The following PKP1 variants were observed in gnomAD, a reference collection of about 807,000 sequenced individuals.
PKP1 encodes plakophilin-1.
Under a neutral mutation model 76.4 loss-of-function variants are expected in PKP1, and 27 were observed. The observed-to-expected ratio is 0.35, with a 90% CI of 0.26 to 0.49. The LOEUF (loss-of-function observed/expected upper bound fraction) is 0.49, where lower values mean the gene tolerates loss of function less well. Ranked by LOEUF, PKP1 falls within the 20% of genes least tolerant of loss-of-function variation. The pLI, the probability that PKP1 is intolerant of heterozygous loss-of-function variation, is 0.99. For missense variants in PKP1, 964 were observed against 955.2 expected, an observed-to-expected ratio of 1.01 and a Z score of -0.12; for synonymous variants, 404 against 384.2, an observed-to-expected ratio of 1.05 and a Z score of -0.60.
intron 12 of PKP1, 180 bp from the exon 13 acceptor site, chr1:201,328,582 G>A: frequency 1.5e-6 from 1 of 671,110 alleles, no homozygotes; most frequent in East Asian, 2.7e-5. Flanking sequence ...GACTCATGGA[G>A]AGTTATTATG....
chr1:201,284,083 G>C (rs924662908), intron 1 of PKP1, among the ~76,000 whole-genome samples, 179 bp downstream of exon 1: 1 of 147,884 alleles, frequency 6.8e-6, no homozygotes, highest in Admixed American at 6.6e-5. Context: ...CTGAGCTGGT[G>C]TAAACGCGAC....
At chr1:201,321,728 A>G (rs1041249434) in intron 7 of PKP1, among the ~76,000 whole-genome samples, 7 of 152,292 alleles carry the variant, frequency 4.6e-5, no homozygotes, top group African/African-American at 1.7e-4. Context: ...CTCATTTTAC[A>G]TTTGAGATAG....
At chr1:201,325,618 C>T in intron 11 of PKP1, 136 bp from the exon 12 acceptor site, 1 of 728,698 alleles carries the variant, frequency 1.4e-6, no homozygotes, top group Non-Finnish European at 2.5e-6. Flanking sequence ...TGGGGCTCCT[C>T]TCTTTTGCAC....
intron 8 of PKP1, 42 bp downstream of exon 8, chr1:201,322,175 A>C (rs1553275744): frequency 2.2e-5 from 35 of 1,594,174 alleles, no homozygotes; most frequent in East Asian, 4.5e-5. Context: ...CCCATCAAGC[A>C]CCCCCCCAGG....
intron 1 of PKP1, among the ~76,000 whole-genome samples, chr1:201,290,343 G>A (rs970101996): frequency 6.6e-5 from 10 of 152,022 alleles, no homozygotes; most frequent in African/African-American, 2.2e-4. Flanking sequence ...CACACAGGTT[G>A]GGCACACTGT....
At chr1:201,294,720 A>G (rs958656961) in intron 2 of PKP1, among the ~76,000 whole-genome samples, 1 of 152,266 alleles carries the variant, frequency 6.6e-6, no homozygotes, top group African/African-American at 2.4e-5. Flanking sequence ...TTAAATTAAC[A>G]TGGATAGAGG....
In PKP1 at chr1:201,322,594, T is replaced by C. The variant is rs575460027; in HGVS notation, c.1504-419T>C. On this transcript the variant is annotated intron_variant, in intron 8 of 13. Coordinates refer to ENST00000367324, the MANE Select transcript of PKP1 (RefSeq NM_001005337.3). ...AGGTCTCCTTCACTGGGCCCAGCTG[T>C]GGAATCCAGGTCTCAGACCACCCTC... 5.3e-5 allele frequency among the ~76,000 whole-genome samples: 8 copies of C among 152,174 alleles called. No individual in the cohort carries two copies. In the South Asian group the frequency reaches 1.7e-3, roughly 32 times the overall value.
At chr1:201,325,302 G>T (rs1657081908) in intron 11 of PKP1, among the ~76,000 whole-genome samples, 175 bp downstream of exon 11, 1 of 152,204 alleles carries the variant, frequency 6.6e-6, no homozygotes, top group African/African-American at 2.4e-5. Flanking sequence ...AGAGTGCGTG[G>T]AGAGAAGGGT....
intron 1 of PKP1, 62 bp from the exon 2 acceptor site, chr1:201,293,880 A>G: frequency 9.2e-7 from 1 of 1,087,394 alleles, no homozygotes. Context: ...TGATGCCCTG[A>G]GGAACAGGGG....
At chr1:201,319,879 G>A (rs1418023125) in intron 6 of PKP1, 3 of 1,613,970 alleles carry the variant, frequency 1.9e-6, no homozygotes, top group Admixed American at 1.7e-5. Context: ...GTAGCAGGGT[G>A]TGAGCCTTGG....
intron 3 of PKP1, among the ~76,000 whole-genome samples, chr1:201,315,325 T>G (rs1195953172): frequency 1.3e-5 from 2 of 152,238 alleles, no homozygotes; most frequent in Non-Finnish European, 1.5e-5. Flanking sequence ...ACTCTGCACC[T>G]CGGGTGGTTT....
intron 2 of PKP1, among the ~76,000 whole-genome samples, chr1:201,303,161 A>G (rs1303315579): frequency 6.6e-6 from 1 of 152,254 alleles, no homozygotes; most frequent in African/African-American, 2.4e-5. Context: ...ATTACTTATC[A>G]GTTCCACTGC....
intron 2 of PKP1, among the ~76,000 whole-genome samples, chr1:201,305,282 C>G (rs1432709742): frequency 6.6e-6 from 1 of 152,228 alleles, no homozygotes; most frequent in Non-Finnish European, 1.5e-5. Context: ...CTCTGGGAGG[C>G]TGAGGCAAGA....
At chr1:201,309,835 T>C (rs910243584) in intron 2 of PKP1, among the ~76,000 whole-genome samples, 3 of 152,214 alleles carry the variant, frequency 2.0e-5, no homozygotes, top group African/African-American at 4.8e-5. Flanking sequence ...CTAAACATCC[T>C]GCCATGCTTG....
intron 2 of PKP1, among the ~76,000 whole-genome samples, chr1:201,307,125 TG>T (rs138414763): frequency 0.039 from 5,919 of 152,226 alleles, 358 homozygotes; most frequent in African/African-American, 0.13. Flanking sequence ...CTCACCTGGG[TG>T]GGCACTGCTG....
At chr1:201,325,868 A>G in intron 12 of PKP1, 30 bp downstream of exon 12, 1 of 1,544,248 alleles carries the variant, frequency 6.5e-7, no homozygotes, top group Non-Finnish European at 9.0e-7. Flanking sequence ...TCCTCTTCTG[A>G]GGTTCTTCCT....
chr1:201,294,416 C>G (rs993481880), intron 2 of PKP1, among the ~76,000 whole-genome samples: 1 of 152,180 alleles, frequency 6.6e-6, no homozygotes, highest in African/African-American at 2.4e-5. Flanking sequence ...AAAGGGTCAT[C>G]TCTGTTCGTT....
intron 12 of PKP1, 138 bp from the exon 13 acceptor site, chr1:201,328,624 G>T (rs549031441): frequency 3.9e-6 from 3 of 766,932 alleles, no homozygotes; most frequent in Admixed American, 1.9e-5. Flanking sequence ...GCCAGTTTTC[G>T]CCCTGACACA....
chr1:201,324,458 C>CT lies in PKP1; in HGVS notation c.1712dup (p.Lys572GlufsTer18). ...CAGTGGCATGAGCCAGTTGATTGGG[C>CT]TGAAGGAAAAGGGCCTGCCACAAAT... On this transcript the variant is annotated frameshift_variant, in exon 10 of 14. Transcript: ENST00000367324. LOFTEE classifies it high-confidence loss of function. The CT allele has an allele frequency of 6.2e-7, 1 of 1,614,138 alleles. No homozygotes were observed. The highest frequency in any genetic ancestry group is 8.5e-7 in the Non-Finnish European group (1 of 1,180,006).
Sources: allele counts gnomAD v4.1 joint callset (sites outside exome capture counted in the v4.1 genomes callset), GRCh38; gene constraint gnomAD v4.1.1; transcripts MANE v1.5; gene names NCBI Gene and HGNC (gene_info 2026-07-23, HGNC 2026-07-21).